ASCC3: variants seen among roughly 807,000 people sequenced by gnomAD.
ASCC3 encodes activating signal cointegrator 1 complex subunit 3, also known as ASC-1 complex subunit P200.
ASCC3 carries 158 observed loss-of-function variants against 256.3 expected under a neutral mutation model. The observed-to-expected ratio is 0.62, with a 90% CI of 0.54 to 0.70. The LOEUF (loss-of-function observed/expected upper bound fraction) is 0.70, where lower values mean the gene tolerates loss of function less well. Ranked by LOEUF, ASCC3 falls within the 30% of genes least tolerant of loss-of-function variation. The pLI is 0.00. For synonymous variants in ASCC3, 948 were observed against 883.4 expected (o/e 1.07, Z -1.30); for missense variants, 2,259 against 2,626.0 (o/e 0.86, Z 3.05).
intron 9 of ASCC3, 35 bp downstream of exon 9, chr6:100,767,110 A>C (rs1273008334): frequency 3.8e-6 from 6 of 1,594,094 alleles, no homozygotes; most frequent in African/African-American, 1.3e-5. Context: ...TATTCCTTAC[A>C]ATTTAAAAAG....
In ASCC3 at chr6:100,805,855, C is replaced by T; in HGVS notation, c.827G>A (p.Gly276Glu). Residue 276 changes from glycine (G) to glutamate (E), a missense_variant, in exon 5 of 42, where the codon GGA becomes GAA. By Grantham distance (98) the Gly-to-Glu change is moderately conservative. Coordinates refer to ENST00000369162, the MANE Select transcript of ASCC3 (RefSeq NM_006828.4). ...DELFELLGPE[G>E]LELIEKLLQN... ...GAGGAGTTTCTCAATAAGTTCAAGTCCTTCAGGTCCCAGCAGTTCAAATAG... is the reference window on the plus strand; with the variant it reads ...GAGGAGTTTCTCAATAAGTTCAAGTTCTTCAGGTCCCAGCAGTTCAAATAG... The T allele has an allele frequency of 6.2e-7, 1 of 1,611,278 alleles. No homozygotes were observed. The highest frequency in any genetic ancestry group is 8.5e-7 in the Non-Finnish European group (1 of 1,178,612).
At chr6:100,558,905 T>C (rs1346781917) in intron 36 of ASCC3, among the ~76,000 whole-genome samples, 1 of 152,148 alleles carries the variant, frequency 6.6e-6, no homozygotes, top group African/African-American at 2.4e-5. Flanking sequence ...CTATGAAGTG[T>C]CAATCTTTGA....
chr6:100,674,200 T>G (rs1776895892), intron 14 of ASCC3, among the ~76,000 whole-genome samples: 1 of 152,052 alleles, frequency 6.6e-6, no homozygotes, highest in African/African-American at 2.4e-5. Context: ...GAAAATCTTC[T>G]CAAATCATCT....
At chr6:100,610,141 T>C (rs1209482765) in intron 30 of ASCC3, among the ~76,000 whole-genome samples, 2 of 152,164 alleles carry the variant, frequency 1.3e-5, no homozygotes, top group East Asian at 3.8e-4. Flanking sequence ...GAGAAGTAAC[T>C]TGGAAATAGT....
In ASCC3 at chr6:100,716,399, C is replaced by T. The variant is rs529920161; in HGVS notation, c.2080-866G>A. Reference sequence around the variant, plus strand: ...CCAAAGGAGTAGGCATGTGACCCAGCCTATTATCTCTCCACTTAACATGTA... The same window carrying T: ...CCAAAGGAGTAGGCATGTGACCCAGTCTATTATCTCTCCACTTAACATGTA... On this transcript the variant is annotated intron_variant, in intron 12 of 41. Transcript: ENST00000369162. Among the ~76,000 whole-genome samples the T allele has an allele frequency of 1.0e-3, 152 of 151,852 alleles. 1 individual carries two copies. The highest frequency in any genetic ancestry group is 3.4e-3 in the African/African-American group (143 of 41,506).
Position 100,828,633 on chromosome 6 carries a change from C to T in ASCC3, c.801+19515G>A, listed in dbSNP as rs990336377. ...GCTCAGGAGTGAAGCTGCGGATCTT[C>T]GCGGTGAGTGTTACAGCTCTTAAGG... On this transcript the variant is annotated intron_variant, in intron 4 of 41. Coordinates refer to ENST00000369162, the MANE Select transcript of ASCC3 (RefSeq NM_006828.4). Among the ~76,000 whole-genome samples, 3 of 151,994 alleles carry T rather than the reference C, an allele frequency of 2.0e-5. No individual in the cohort carries two copies. In the East Asian group the frequency reaches 5.8e-4, roughly 29 times the overall value.
At chr6:100,839,713 C>T (rs1772047456) in intron 4 of ASCC3, among the ~76,000 whole-genome samples, 2 of 152,120 alleles carry the variant, frequency 1.3e-5, no homozygotes, top group African/African-American at 4.8e-5. Flanking sequence ...TTTGACTGAG[C>T]TGAGATCTGT....
chr6:100,530,318 T>C, intron 37 of ASCC3: 2 of 1,440,310 alleles, frequency 1.4e-6, no homozygotes, highest in Non-Finnish European at 2.0e-6. Flanking sequence ...AGTTTGTCAG[T>C]TTATGATCTT....
chr6:100,785,965 A>G (rs1769056730), intron 8 of ASCC3, among the ~76,000 whole-genome samples: 1 of 152,194 alleles, frequency 6.6e-6, no homozygotes, highest in Non-Finnish European at 1.5e-5. Context: ...TTCAGATATA[A>G]TGGGAGTCAG....
chr6:100,747,640 C>T (rs191262562), intron 10 of ASCC3, among the ~76,000 whole-genome samples: 28 of 152,132 alleles, frequency 1.8e-4, no homozygotes, highest in East Asian at 7.7e-4. Flanking sequence ...AAAATGTATA[C>T]GCTGTGTGAC....
In ASCC3 at chr6:100,766,597, G is replaced by C. The variant is rs777743534; in HGVS notation, c.1705C>G (p.Gln569Glu). The C allele has an allele frequency of 1.2e-6, 2 of 1,614,026 alleles. No homozygotes were observed. The highest frequency in any genetic ancestry group is 1.7e-6 in the Non-Finnish European group (2 of 1,179,954). Residue 569 changes from glutamine to glutamate, a missense_variant, in exon 10 of 42, where the codon CAG becomes GAG. Around this residue, in one of 2 missense-constraint regions of ASCC3, gnomAD observed 1,839 missense variants for 2,206.7 expected, o/e 0.83. Coordinates refer to ENST00000369162, the MANE Select transcript of ASCC3 (RefSeq NM_006828.4). ...CGTAAAATTTCACTTTTGGACAACT[G>C]CATGTCACCAGTCAATTCTTTCACA... The part of the protein sequence containing the change: ...IIVKELTGDM[Q>E]LSKSEILRTQ...
At chr6:100,673,641 A>C (rs1473697685) in intron 14 of ASCC3, among the ~76,000 whole-genome samples, 1 of 152,200 alleles carries the variant, frequency 6.6e-6, no homozygotes, top group African/African-American at 2.4e-5. Context: ...TTCAAAGTGA[A>C]CCACATGTTA....
chr6:100,752,505 C>A (rs978964646), intron 10 of ASCC3, among the ~76,000 whole-genome samples: 1 of 152,082 alleles, frequency 6.6e-6, no homozygotes, highest in African/African-American at 2.4e-5. Flanking sequence ...TACCTTCAGC[C>A]ATCTTTTCCT....
rs549775400 is a variant in ASCC3 at position 100,694,076 on chromosome 6, T to G, written c.2152-14324A>C. The stretch of plus-strand genomic sequence containing the variant: ...GAAAGGGACTGTGGAAAATTATATT[T>G]GCTCTTGGATAAAAGTTTGAAAATT... On this transcript the variant is annotated intron_variant, in intron 13 of 41. Transcript: ENST00000369162. Among the ~76,000 whole-genome samples the G allele has an allele frequency of 2.0e-5, 3 of 152,214 alleles. No individual in the cohort carries two copies. In the East Asian group the frequency reaches 5.8e-4, roughly 29 times the overall value.
intron 12 of ASCC3, among the ~76,000 whole-genome samples, chr6:100,716,873 T>C (rs572046434): frequency 1.3e-5 from 2 of 152,090 alleles, no homozygotes; most frequent in East Asian, 3.9e-4. Context: ...TCTTTATATC[T>C]CTCTGTGATA....
At chr6:100,564,923 A>G (rs921335222) in intron 36 of ASCC3, among the ~76,000 whole-genome samples, 1 of 152,192 alleles carries the variant, frequency 6.6e-6, no homozygotes, top group Non-Finnish European at 1.5e-5. Context: ...CCTCATTAAA[A>G]ACTAAAATGA....
intron 13 of ASCC3, among the ~76,000 whole-genome samples, chr6:100,690,943 C>G (rs1777816169): frequency 6.6e-6 from 1 of 152,084 alleles, no homozygotes; most frequent in African/African-American, 2.4e-5. Flanking sequence ...GTGAAACATT[C>G]CTTATAAATT....
chr6:100,645,188 T>C (rs1022655197), intron 22 of ASCC3, among the ~76,000 whole-genome samples: 1 of 152,130 alleles, frequency 6.6e-6, no homozygotes, highest in African/African-American at 2.4e-5. Flanking sequence ...GGAGACAGTG[T>C]AAGAAATACA....
At chr6:100,662,317 C>A (rs1458696710) in intron 15 of ASCC3, 28 bp downstream of exon 15, 55 of 1,604,926 alleles carry the variant, frequency 3.4e-5, no homozygotes, top group Non-Finnish European at 4.3e-5. Context: ...CACACAAAAT[C>A]CATTTATCAA....
Sources: gnomAD v4.1 joint callset for allele counts (sites outside exome capture counted in the v4.1 genomes callset) on GRCh38, gnomAD v4.1.1 for gene constraint, gnomAD v4.1.1 regional missense constraint, MANE v1.5 for transcripts, NCBI Gene and HGNC (gene_info 2026-07-23, HGNC 2026-07-21) for gene names.